KSR2: variants seen among roughly 807,000 people sequenced by gnomAD.
KSR2 encodes kinase suppressor of ras 2.
Under a neutral mutation model 107.8 loss-of-function variants are expected in KSR2, and 25 were observed. The observed-to-expected ratio is 0.23, with a 90% confidence interval of 0.17 to 0.32. The LOEUF (loss-of-function observed/expected upper bound fraction) is 0.32, where lower values mean the gene tolerates loss of function less well. Among genes scored for constraint, KSR2 ranks in the 10% least tolerant of loss-of-function variants. The pLI, the probability that KSR2 is intolerant of heterozygous loss-of-function variation, is 1.00. For synonymous variants in KSR2, 480 were observed against 507.0 expected, an observed-to-expected ratio of 0.95 and a Z score of 0.71; for missense variants, 887 against 1,268.9, an observed-to-expected ratio of 0.70 and a Z score of 4.57.
intron 5 of KSR2, among the ~76,000 whole-genome samples, chr12:117,586,900 AATG>A (rs1880034456): frequency 6.6e-6 from 1 of 152,242 alleles, no homozygotes; most frequent in African/African-American, 2.4e-5. Flanking sequence ...TGGCTCAATT[AATG>A]GAAGTGAATT....
intron 14 of KSR2, among the ~76,000 whole-genome samples, chr12:117,520,149 T>A (rs1310399151): frequency 6.6e-6 from 1 of 152,170 alleles, no homozygotes; most frequent in East Asian, 1.9e-4. Context: ...ACCAGACTAG[T>A]ATTTAGATAT....
chr12:117,609,553 T>C (rs1881476555), intron 5 of KSR2, among the ~76,000 whole-genome samples: 1 of 152,182 alleles, frequency 6.6e-6, no homozygotes. Context: ...ACATGGAAAA[T>C]TTATATGAAA....
intron 7 of KSR2, among the ~76,000 whole-genome samples, chr12:117,571,807 G>T (rs530462691): frequency 7.9e-5 from 12 of 152,214 alleles, no homozygotes; most frequent in African/African-American, 2.9e-4. Context: ...ACAATTCCTA[G>T]TGTGTGTTCC....
rs1160843150 is a variant in KSR2 at position 117,720,725 on chromosome 12, C to T, written c.986+40286G>A. Among the ~76,000 whole-genome samples, 4 of 152,132 alleles carry T rather than the reference C, an allele frequency of 2.6e-5. No homozygotes were observed. The East Asian group carries it at 7.7e-4, about 29-fold the overall frequency. ...AAATGCTATGAAAGAAAGAACAGGTCCCTATTCTTGACAAGGGGGTCTGGC... is the reference window on the plus strand; with the variant it reads ...AAATGCTATGAAAGAAAGAACAGGTTCCTATTCTTGACAAGGGGGTCTGGC... On this transcript the variant is annotated intron_variant, in intron 4 of 19. Coordinates refer to ENST00000339824, the MANE Select transcript of KSR2 (RefSeq NM_173598.6).
intron 5 of KSR2, among the ~76,000 whole-genome samples, chr12:117,618,527 C>T (rs1030136647): frequency 7.9e-5 from 12 of 152,030 alleles, no homozygotes; most frequent in African/African-American, 2.9e-4. Context: ...TTGGCTGTGC[C>T]CCACCCCCCA....
At chr12:117,580,278 T>G (rs1351090294) in intron 6 of KSR2, among the ~76,000 whole-genome samples, 1 of 152,184 alleles carries the variant, frequency 6.6e-6, no homozygotes, top group African/African-American at 2.4e-5. Flanking sequence ...CCAAGAAAAC[T>G]CTCCCTCTCT....
intron 14 of KSR2, among the ~76,000 whole-genome samples, chr12:117,500,457 A>G (rs565322002): frequency 1.3e-5 from 2 of 152,206 alleles, no homozygotes; most frequent in Non-Finnish European, 2.9e-5. Context: ...ACCCCATAAG[A>G]CAGGTGTTAT....
intron 5 of KSR2, among the ~76,000 whole-genome samples, chr12:117,616,663 T>C (rs1517203): frequency 1.9e-3 from 293 of 152,286 alleles, no homozygotes; most frequent in African/African-American, 6.8e-3. Context: ...CACTGTGAGG[T>C]TGGATGAGGT....
In KSR2 at chr12:117,781,924, C is replaced by T. The variant is rs540554515; in HGVS notation, c.473-20400G>A. Among the ~76,000 whole-genome samples, 8 of 152,224 alleles carry T rather than the reference C, an allele frequency of 5.3e-5. 1 individual carries two copies. The highest frequency in any genetic ancestry group is 2.1e-4 in the South Asian group (1 of 4,822). ...CTGCAGGTCTAAACAATAATTAAACCGTTGAAACTGATAAAAAATCATCGG... is the reference window on the plus strand; with the variant it reads ...CTGCAGGTCTAAACAATAATTAAACTGTTGAAACTGATAAAAAATCATCGG... On this transcript the variant is annotated intron_variant, in intron 3 of 19. Transcript: ENST00000339824.
intron 3 of KSR2, among the ~76,000 whole-genome samples, chr12:117,831,527 GGGA>G (rs1218749814): frequency 6.6e-6 from 1 of 152,156 alleles, no homozygotes; most frequent in Non-Finnish European, 1.5e-5. Flanking sequence ...GAAAGCAAGG[GGGA>G]GAAAAATCCT....
rs1555258978 is a variant in KSR2 at position 117,936,533 on chromosome 12, T to TAGTAG, written c.180+31542_180+31543insCTACT. ...TATTTTATTATTATTATTATTATTA[T>TAGTAG]TAGTAGTAGTAGTAGTAGTAGTAGT... is the stretch of plus-strand genomic sequence containing the variant. On this transcript the variant is annotated intron_variant, in intron 1 of 19. Coordinates refer to ENST00000339824, the MANE Select transcript of KSR2 (RefSeq NM_173598.6). 8.0e-3 allele frequency among the ~76,000 whole-genome samples: 956 copies of TAGTAG among 119,622 alleles called. 4 individuals are homozygous for TAGTAG. The highest frequency in any genetic ancestry group is 0.011 in the African/African-American group (358 of 31,370). The allele number at this position is 119,622 out of a possible 152,430, so 78.5% of individuals were successfully genotyped here.
intron 3 of KSR2, among the ~76,000 whole-genome samples, chr12:117,769,530 A>C (rs987994102): frequency 6.6e-6 from 1 of 152,222 alleles, no homozygotes; most frequent in African/African-American, 2.4e-5. Flanking sequence ...CCGTTTCTTC[A>C]TCTGTAGAAT....
chr12:117,490,790 G>T (rs1209257601), intron 14 of KSR2, among the ~76,000 whole-genome samples: 1 of 152,156 alleles, frequency 6.6e-6, no homozygotes, highest in East Asian at 1.9e-4. Flanking sequence ...AGGCTCAGGG[G>T]TTAAGTAGAG....
In KSR2 at chr12:117,869,561, A is replaced by G. The variant is rs140267149; in HGVS notation, c.181-9130T>C. On this transcript the variant is annotated intron_variant, in intron 1 of 19. Transcript: ENST00000339824. ...CATACAGATCTATTGAAACTCTGCAATGTGGCTTTCTGTGGACGATTTCTT... is the reference window on the plus strand; with the variant it reads ...CATACAGATCTATTGAAACTCTGCAGTGTGGCTTTCTGTGGACGATTTCTT... Among the ~76,000 whole-genome samples, 499 of 152,292 alleles carry G rather than the reference A, an allele frequency of 3.3e-3. 3 individuals are homozygous for G. The highest frequency in any genetic ancestry group is 0.011 in the African/African-American group (457 of 41,558).
chr12:117,687,029 C>T (rs1463801426), intron 4 of KSR2, among the ~76,000 whole-genome samples: 1 of 152,126 alleles, frequency 6.6e-6, no homozygotes, highest in Non-Finnish European at 1.5e-5. Flanking sequence ...CTCTTAGCTT[C>T]CTCGCTTGTA....
intron 1 of KSR2, among the ~76,000 whole-genome samples, chr12:117,920,231 T>G (rs1188706023): frequency 2.0e-5 from 3 of 152,162 alleles, no homozygotes; most frequent in African/African-American, 7.2e-5. Flanking sequence ...CCCAAGTAGC[T>G]GGGAGTAAAG....
intron 5 of KSR2, among the ~76,000 whole-genome samples, chr12:117,625,238 T>A (rs1424254308): frequency 1.3e-5 from 2 of 152,088 alleles, no homozygotes; most frequent in Admixed American, 6.5e-5. Context: ...TCCAACACTA[T>A]GTTGAATAGA....
chr12:117,527,755 A>G (rs1431360474), intron 12 of KSR2, among the ~76,000 whole-genome samples: 2 of 152,232 alleles, frequency 1.3e-5, no homozygotes, highest in Non-Finnish European at 2.9e-5. Context: ...TGTAGATACT[A>G]TGCAGGGAGG....
intron 7 of KSR2, 97 bp from the exon 8 acceptor site, chr12:117,558,670 G>T: frequency 1.2e-6 from 1 of 827,496 alleles, no homozygotes; most frequent in Non-Finnish European, 2.1e-6. Context: ...TGGATGGGTG[G>T]ATGAATGGAT....
Sources: allele counts gnomAD v4.1 joint callset (sites outside exome capture counted in the v4.1 genomes callset), GRCh38; gene constraint gnomAD v4.1.1; transcripts MANE v1.5; gene names NCBI Gene and HGNC (gene_info 2026-07-23, HGNC 2026-07-21).